Variants in GPHN observed in about 807,000 individuals in gnomAD.
GPHN encodes gephyrin.
Under a neutral mutation model 95.5 loss-of-function variants are expected in GPHN, and 17 were observed. The observed-to-expected ratio is 0.18, with a 90% CI of 0.12 to 0.27. The LOEUF (loss-of-function observed/expected upper bound fraction) is 0.27. GPHN is among the 10% of genes least tolerant of loss of function. GPHN has a pLI of 1.00. For missense variants in GPHN, 660 were observed against 978.1 expected (o/e 0.67, Z 4.34); for synonymous variants, 320 against 322.5 (o/e 0.99, Z 0.08).
chr14:67,292,806 A>T, the GPHN span: 1 of 996,644 alleles, frequency 1.0e-6, no homozygotes, highest in Non-Finnish European at 1.5e-6. Context: ...TAATGTGACT[A>T]TAAGATTTGT....
At chr14:67,560,130 G>A in the GPHN span, among the ~76,000 whole-genome samples, 6 of 152,204 alleles carry the variant, frequency 3.9e-5, no homozygotes, top group East Asian at 1.9e-4. Flanking sequence ...GGGTTCAACC[G>A]ATTCTCGTGC....
At chr14:66,722,037 A>G (rs998632666) in intron 2 of GPHN, among the ~76,000 whole-genome samples, 6 of 151,768 alleles carry the variant, frequency 4.0e-5, no homozygotes, top group African/African-American at 1.2e-4. Context: ...TTTAAACACT[A>G]GAATCACACA....
Position 67,179,669 on chromosome 14 carries a change from G to A in GPHN, c.2171G>A (p.Ser724Asn). Residue 724 changes from serine (S) to asparagine (N), a missense_variant, in exon 22 of 23, where the codon AGT becomes AAT. Ser to Asn is a conservative substitution (Grantham distance 46, BLOSUM62 1). This residue lies in a region of GPHN where 48 missense variants were observed against 137.4 expected (regional missense o/e 0.35). Transcript: ENST00000478722. ...HHQEPLPWAQ[S>N]TGNQMSSRLM... ...CAAGAACCACTACCTTGGGCACAGA[G>A]TACAGGTTAGTCATTCACATCTACA... 6.5e-7 allele frequency: 1 copy of A among 1,528,922 alleles called. No individual in the cohort carries two copies. 94.7% of individuals were successfully genotyped at this position (1,528,922 alleles called of 1,614,324 possible).
At chr14:66,955,958 A>T (rs957426286) in intron 8 of GPHN, among the ~76,000 whole-genome samples, 20 of 151,976 alleles carry the variant, frequency 1.3e-4, no homozygotes. Flanking sequence ...TCTATCATTG[A>T]TGGACATTTG....
chr14:67,598,000 A>C, the GPHN span, among the ~76,000 whole-genome samples: 1 of 152,234 alleles, frequency 6.6e-6, no homozygotes, highest in Non-Finnish European at 1.5e-5. Context: ...GATTTGATCC[A>C]TGTCAGCTTT....
chr14:66,600,055 G>C (rs1035617514), intron 1 of GPHN, among the ~76,000 whole-genome samples: 1 of 151,888 alleles, frequency 6.6e-6, no homozygotes, highest in Non-Finnish European at 1.5e-5. Flanking sequence ...TTTCTGGCAT[G>C]TACCCCTCTT....
chr14:66,615,538 A>T (rs1378115331), intron 1 of GPHN, among the ~76,000 whole-genome samples: 1 of 143,620 alleles, frequency 7.0e-6, no homozygotes, highest in East Asian at 2.0e-4. Flanking sequence ...GTGTCTGTTC[A>T]TATCTTTTGC....
chr14:67,574,400 C>A, the GPHN span: 10 of 1,562,210 alleles, frequency 6.4e-6, no homozygotes, highest in Non-Finnish European at 7.8e-6. This position sits in a 1 kb window ranked among gnomAD's most constrained non-coding sequence, Gnocchi z 4.2. Flanking sequence ...GCTGGCTGAC[C>A]AAGGTAGAGG....
chr14:67,145,025 G>A (rs2153706527), intron 18 of GPHN, among the ~76,000 whole-genome samples: 1 of 152,064 alleles, frequency 6.6e-6, no homozygotes, highest in South Asian at 2.1e-4. Context: ...AGATCACAAA[G>A]GCTAGGGGCT....
intron 8 of GPHN, among the ~76,000 whole-genome samples, chr14:66,952,129 A>G (rs2068147624): frequency 6.6e-6 from 1 of 152,072 alleles, no homozygotes; most frequent in Admixed American, 6.5e-5. Context: ...ATTTTATCCA[A>G]TTCCAGAAAA....
At chr14:66,765,119 A>C (rs1199505584) in intron 2 of GPHN, among the ~76,000 whole-genome samples, 5 of 152,210 alleles carry the variant, frequency 3.3e-5, no homozygotes, top group Non-Finnish European at 7.3e-5. Flanking sequence ...TTGATTGACC[A>C]CTTCCCATTC....
chr14:66,632,416 T>C (rs1344105031), intron 1 of GPHN, among the ~76,000 whole-genome samples: 1 of 152,124 alleles, frequency 6.6e-6, no homozygotes, highest in Non-Finnish European at 1.5e-5. Context: ...CAGGCGCAGA[T>C]TTGCTGTACA....
intron 1 of GPHN, among the ~76,000 whole-genome samples, chr14:66,631,159 C>T (rs565036785): frequency 1.3e-5 from 2 of 152,014 alleles, no homozygotes; most frequent in Non-Finnish European, 1.5e-5. Flanking sequence ...AGCGAGTCTT[C>T]GTCCTCAGCC....
At chr14:66,579,019 A>G (rs2061033801) in intron 1 of GPHN, among the ~76,000 whole-genome samples, 1 of 151,898 alleles carries the variant, frequency 6.6e-6, no homozygotes, top group South Asian at 2.1e-4. Context: ...TATATTTACA[A>G]TAATTAAGTG....
chr14:67,562,461 G>A, the GPHN span: 1 of 1,613,898 alleles, frequency 6.2e-7, no homozygotes, highest in Non-Finnish European at 8.5e-7. Context: ...ACCTTCAGAT[G>A]TAGTTCAGCT....
chr14:67,646,657 C>T, the GPHN span: 1 of 1,612,082 alleles, frequency 6.2e-7, no homozygotes, highest in Non-Finnish European at 8.5e-7. Context: ...CCACAACTCC[C>T]AGGATTTTCC....
intron 4 of GPHN, among the ~76,000 whole-genome samples, chr14:66,875,713 T>C (rs1469485207): frequency 2.6e-5 from 4 of 152,004 alleles, no homozygotes; most frequent in African/African-American, 4.8e-5. Context: ...CTAACCTAAA[T>C]ATATATGCAC....
chr14:67,376,297 C>A, the GPHN span: 1 of 812,446 alleles, frequency 1.2e-6, no homozygotes, highest in Non-Finnish European at 1.9e-6. Context: ...TTTTTATACC[C>A]ACTTAAAGTG....
chr14:67,353,410 T>C, the GPHN span, among the ~76,000 whole-genome samples: 5 of 152,112 alleles, frequency 3.3e-5, no homozygotes, highest in Non-Finnish European at 5.9e-5. Flanking sequence ...CAGCTACAGG[T>C]GTAAGTGGGA....
Sources: gnomAD v4.1 joint callset for allele counts (sites outside exome capture counted in the v4.1 genomes callset) on GRCh38, gnomAD v4.1.1 for gene constraint, gnomAD v4.1.1 regional missense constraint, Gnocchi (gnomAD v3.1) non-coding constraint, MANE v1.5 for transcripts, NCBI Gene and HGNC (gene_info 2026-07-23, HGNC 2026-07-21) for gene names.